The following DGLUCY variants were observed in gnomAD, a reference collection of about 807,000 sequenced individuals.
DGLUCY encodes D-glutamate cyclase.
Under a neutral mutation model 58.5 loss-of-function variants are expected in DGLUCY, and 58 were observed. The observed-to-expected ratio is 0.99, with a 90% CI of 0.80 to 1.23. The LOEUF is 1.23. Among genes scored for constraint, DGLUCY ranks in the 50% most tolerant of loss-of-function variants. The pLI is 0.00. For synonymous variants in DGLUCY, 325 were observed against 314.1 expected, an observed-to-expected ratio of 1.03 and a Z score of -0.37; for missense variants, 779 against 784.7, an observed-to-expected ratio of 0.99 and a Z score of 0.09.
At chr14:91,104,999 T>A (rs1044243282), upstream of DGLUCY, among the ~76,000 whole-genome samples, 2 of 152,214 alleles carry the variant, frequency 1.3e-5, no homozygotes, top group Non-Finnish European at 2.9e-5. Context: ...GTTATTTTTA[T>A]TTATAACTTC....
At chr14:91,156,909 G>T (rs556782681) in intron 1 of DGLUCY, among the ~76,000 whole-genome samples, 1 of 152,310 alleles carries the variant, frequency 6.6e-6, no homozygotes, top group South Asian at 2.1e-4. Flanking sequence ...AAGAGGCTCT[G>T]GCCCTAAAAT....
At chr14:91,141,003 A>G (rs755588749) in intron 1 of DGLUCY, among the ~76,000 whole-genome samples, 2 of 152,190 alleles carry the variant, frequency 1.3e-5, no homozygotes, top group African/African-American at 2.4e-5. Context: ...ACCAGTGGAT[A>G]GTTCTTAAGG....
chr14:91,153,670 A>G (rs2047444749), intron 1 of DGLUCY, among the ~76,000 whole-genome samples: 1 of 152,178 alleles, frequency 6.6e-6, no homozygotes, highest in Non-Finnish European at 1.5e-5. Flanking sequence ...GCTGTTCCCC[A>G]TGGTGTGATG....
intron 1 of DGLUCY, among the ~76,000 whole-genome samples, chr14:91,061,215 A>G (rs1360973312): frequency 6.6e-6 from 1 of 152,172 alleles, no homozygotes; most frequent in Admixed American, 6.5e-5. Context: ...GGCGTGCCCT[A>G]AAAAGGTCTT....
chr14:91,067,773 C>T (rs998932304), intron 1 of DGLUCY, among the ~76,000 whole-genome samples: 4 of 152,078 alleles, frequency 2.6e-5, no homozygotes, highest in African/African-American at 9.7e-5. Flanking sequence ...TGGTCTCGAA[C>T]TCCTGGGTCC....
In DGLUCY at chr14:91,154,950, C is replaced by T. The variant is rs535798095; in HGVS notation, c.-81-2689C>T. On this transcript the variant is annotated intron_variant, in intron 1 of 13. Coordinates refer to ENST00000256324, the MANE Select transcript of DGLUCY (RefSeq NM_001102368.3). ...CTGCCTTGTGTCAGGCTCTGCAGCACGGACAGCTGGTCCCCCCAGTACCTC... is the reference window on the plus strand; with the variant it reads ...CTGCCTTGTGTCAGGCTCTGCAGCATGGACAGCTGGTCCCCCCAGTACCTC... Among the ~76,000 whole-genome samples, 26 of 152,292 alleles carry T rather than the reference C, an allele frequency of 1.7e-4. 1 individual carries two copies. The highest frequency in any genetic ancestry group is 5.9e-4 in the Admixed American group (9 of 15,290).
chr14:91,173,288 GACA>G lies in DGLUCY; in HGVS notation c.460_462del (p.Thr154del). On this transcript the variant is annotated inframe_deletion and splice_region_variant, in exon 6 of 14. Transcript: ENST00000256324. ...CTTGATTTTTTTTTTTTTTTGGTCA[GACA>G]ACAGTGCCTTGTGTTACCCATGCTG... is the stretch of plus-strand genomic sequence containing the variant. 1 of 1,601,284 alleles carries G rather than the reference GACA, an allele frequency of 6.2e-7. No individual in the cohort carries two copies. The highest frequency in any genetic ancestry group is 8.5e-7 in the Non-Finnish European group (1 of 1,175,744).
chr14:91,135,599 G>A lies in DGLUCY; in HGVS notation c.-82+21316G>A, dbSNP rs369464640. ...TGGGAGGCAGAGGTTGCAGCGAGCCGAGATCGAGCCACTGCACTCTAGCCT... is the reference window on the plus strand; with the variant it reads ...TGGGAGGCAGAGGTTGCAGCGAGCCAAGATCGAGCCACTGCACTCTAGCCT... On this transcript the variant is annotated intron_variant, in intron 1 of 13. Coordinates refer to ENST00000256324, the MANE Select transcript of DGLUCY (RefSeq NM_001102368.3). Among the ~76,000 whole-genome samples, 47 of 146,386 alleles carry A rather than the reference G, an allele frequency of 3.2e-4. 1 individual carries two copies. The highest frequency in any genetic ancestry group is 5.8e-4 in the African/African-American group (23 of 39,338).
chr14:91,125,825 A>G (rs759468102), intron 1 of DGLUCY, among the ~76,000 whole-genome samples: 17 of 152,136 alleles, frequency 1.1e-4, no homozygotes, highest in Non-Finnish European at 2.4e-4. Context: ...TGGGCTACTC[A>G]GGAGGCTGAG....
In DGLUCY at chr14:91,063,536, A is replaced by T. The variant is rs1595597671; in HGVS notation, c.-82+2832A>T. 2.6e-5 allele frequency among the ~76,000 whole-genome samples: 4 copies of T among 152,226 alleles called. No homozygotes were observed. The East Asian group carries it at 7.7e-4, about 29-fold the overall frequency. On this transcript the variant is annotated intron_variant, in intron 1 of 4. Transcript: ENST00000521334. Reference sequence around the variant, plus strand: ...TATGTCAGACTGTGATGTGAGCAATACATACACCGTTTTAGGCATAAGCTA... The same window carrying T: ...TATGTCAGACTGTGATGTGAGCAATTCATACACCGTTTTAGGCATAAGCTA...
At chr14:91,189,493 G>A (rs2049733473) in intron 9 of DGLUCY, among the ~76,000 whole-genome samples, 2 of 152,182 alleles carry the variant, frequency 1.3e-5, no homozygotes, top group South Asian at 4.1e-4. Flanking sequence ...GGGCAGCCCT[G>A]GACCACCAGA....
chr14:91,077,564 C>CA (rs2044045593), intron 1 of DGLUCY, among the ~76,000 whole-genome samples: 1 of 151,744 alleles, frequency 6.6e-6, no homozygotes, highest in Non-Finnish European at 1.5e-5. Context: ...CCATCCTGGC[C>CA]AACATGGTGA....
intron 1 of DGLUCY, among the ~76,000 whole-genome samples, chr14:91,079,265 C>G (rs900356000): frequency 2.6e-5 from 4 of 152,034 alleles, no homozygotes; most frequent in Non-Finnish European, 5.9e-5. Flanking sequence ...CAATATTATA[C>G]GCTGCCCTTT....
At chr14:91,127,611 A>T (rs1380795332) in intron 1 of DGLUCY, among the ~76,000 whole-genome samples, 1 of 152,206 alleles carries the variant, frequency 6.6e-6, no homozygotes, top group Non-Finnish European at 1.5e-5. Context: ...CGCCGGGCAG[A>T]AGTGGCTGGC....
At chr14:91,209,576 CG>C (rs1231065480) in intron 12 of DGLUCY, among the ~76,000 whole-genome samples, 1 of 152,050 alleles carries the variant, frequency 6.6e-6, no homozygotes, top group Non-Finnish European at 1.5e-5. Context: ...GGCGTGGTGG[CG>C]GGCACCTGTA....
At chr14:91,157,231 G>GTGGATGGATGGATGGA (rs1196165761) in intron 1 of DGLUCY, among the ~76,000 whole-genome samples, 1 of 94,856 alleles carries the variant, frequency 1.1e-5, no homozygotes. Flanking sequence ...GGATGGATGG[G>GTGGATGGATGGATGGA]TGGATGGATG....
At chr14:91,142,615 T>C (rs867468087) in intron 1 of DGLUCY, among the ~76,000 whole-genome samples, 1 of 152,068 alleles carries the variant, frequency 6.6e-6, no homozygotes, top group African/African-American at 2.4e-5. Context: ...CATTGCCCTT[T>C]GCTGACAAAC....
At position 91,126,499 on chromosome 14, in the gene DGLUCY, T is replaced by C. The variant is rs192852795; in HGVS notation, c.-82+12216T>C. The C allele has an allele frequency of 5.2e-4, 119 of 229,040 alleles. 1 individual carries two copies. The highest frequency in any genetic ancestry group is 2.5e-3 in the African/African-American group (108 of 43,646). The allele number at this position is 229,040 out of a possible 1,614,324, so 14.2% of individuals were successfully genotyped here. ...CACACCCAATAGGAATCTGGGGTCA[T>C]TGTGACAAGGGACACAGAGCTTGTG... On this transcript the variant is annotated intron_variant, in intron 1 of 13. Transcript: ENST00000256324.
intron 1 of DGLUCY, among the ~76,000 whole-genome samples, chr14:91,079,659 T>A (rs969110897): frequency 6.6e-6 from 1 of 152,228 alleles, no homozygotes; most frequent in Non-Finnish European, 1.5e-5. Flanking sequence ...ACTAACAAAC[T>A]TTTAAGTTCT....
Sources: allele counts gnomAD v4.1 joint callset (sites outside exome capture counted in the v4.1 genomes callset), GRCh38; gene constraint gnomAD v4.1.1; transcripts MANE v1.5; gene names NCBI Gene and HGNC (gene_info 2026-07-23, HGNC 2026-07-21).